Variants in AGAP1 observed in about 807,000 individuals in gnomAD.
AGAP1 encodes arf-GAP with GTPase, ANK repeat and PH domain-containing protein 1.
In AGAP1, 29 loss-of-function variants were observed where a neutral mutation model predicts 105.3. That is an observed-to-expected ratio of 0.28 (90% CI 0.21 to 0.38). The LOEUF (loss-of-function observed/expected upper bound fraction) is 0.38, where lower values mean the gene tolerates loss of function less well. Among genes scored for constraint, AGAP1 ranks in the 10% least tolerant of loss-of-function variants. The pLI, the probability that AGAP1 is intolerant of heterozygous loss-of-function variation, is 1.00. For synonymous variants in AGAP1, 509 were observed against 485.9 expected (o/e 1.05, Z -0.63); for missense variants, 998 against 1,165.1 (o/e 0.86, Z 2.09).
At chr2:235,629,863 C>CA (rs10691632) in intron 1 of AGAP1, among the ~76,000 whole-genome samples, 10,415 of 95,542 alleles carry the variant, frequency 0.11, 1,536 homozygotes, top group African/African-American at 0.35. Flanking sequence ...GACCCTGTCT[C>CA]AAAAAAAAAA....
At chr2:236,018,638 G>A (rs1037214524) in intron 13 of AGAP1, among the ~76,000 whole-genome samples, 8 of 152,194 alleles carry the variant, frequency 5.3e-5, no homozygotes, top group African/African-American at 1.7e-4. Flanking sequence ...AAACAAGGGG[G>A]CATTTCTTGG....
intron 16 of AGAP1, among the ~76,000 whole-genome samples, chr2:236,106,116 T>A (rs1479963915): frequency 1.3e-5 from 2 of 152,236 alleles, no homozygotes; most frequent in African/African-American, 4.8e-5. Flanking sequence ...TGCCCTTGGC[T>A]GGCTGGCTGG....
intron 1 of AGAP1, among the ~76,000 whole-genome samples, chr2:235,521,592 C>G (rs1363384755): frequency 2.0e-5 from 3 of 152,076 alleles, no homozygotes; most frequent in Non-Finnish European, 4.4e-5. Context: ...TTTCGTTTGC[C>G]TTTTTAACTT....
Position 235,968,864 on chromosome 2 carries a change from G to C in AGAP1, c.1645+241G>C, listed in dbSNP as rs113095224. ...ACTCTTGGCCGCCGTCGCTGGTAGC[G>C]GGTAGGAGTGCTGGTCTCCCAGCCA... On this transcript the variant is annotated intron_variant, in intron 13 of 17. Transcript: ENST00000304032. Among the ~76,000 whole-genome samples the C allele has an allele frequency of 1.1e-3, 161 of 152,246 alleles. 2 individuals carry two copies. The highest frequency in any genetic ancestry group is 3.8e-3 in the African/African-American group (157 of 41,558).
rs866711616 is a variant in AGAP1, at chr2:235,730,478, A to T, written c.311-10485A>T. On this transcript the variant is annotated intron_variant, in intron 3 of 17. Transcript: ENST00000304032. ...TGCAATGCTCTTTTGTTTACCTTTTAAAAAAAAAAAAAAAAAAAAACGAGA... is the reference window on the plus strand; with the variant it reads ...TGCAATGCTCTTTTGTTTACCTTTTTAAAAAAAAAAAAAAAAAAAACGAGA... 0.027 allele frequency among the ~76,000 whole-genome samples: 321 copies of T among 11,862 alleles called. 3 individuals carry two copies. The East Asian group carries it at 0.32, about 12-fold the overall frequency. 7.8% of individuals were successfully genotyped at this position (11,862 alleles called of 152,430 possible). A position where few individuals can be genotyped will look rare whatever the true frequency, so the allele number is the denominator to read the frequency against.
chr2:235,654,374 T>C (rs1264398139), intron 1 of AGAP1, among the ~76,000 whole-genome samples: 1 of 152,236 alleles, frequency 6.6e-6, no homozygotes, highest in Non-Finnish European at 1.5e-5. Context: ...CAGCTGGGGA[T>C]GCTTAACTGT....
chr2:235,998,947 A>G lies in AGAP1; in HGVS notation c.1645+30324A>G, dbSNP rs1280792171. On this transcript the variant is annotated intron_variant, in intron 13 of 17. Transcript: ENST00000304032. ...TGATGATCAATATGGTATGGTGGTGATGATGGTGAGAGGTTATAGGGCTGG... is the reference window on the plus strand; with the variant it reads ...TGATGATCAATATGGTATGGTGGTGGTGATGGTGAGAGGTTATAGGGCTGG... 2.0e-5 allele frequency among the ~76,000 whole-genome samples: 3 copies of G among 150,424 alleles called. No individual in the cohort carries two copies. The East Asian group carries it at 6.0e-4, about 30-fold the overall frequency.
At chr2:235,672,457 T>C (rs1009043721) in intron 1 of AGAP1, among the ~76,000 whole-genome samples, 1 of 152,246 alleles carries the variant, frequency 6.6e-6, no homozygotes, top group South Asian at 2.1e-4. Context: ...ACATCTAGTT[T>C]TAACCTCCCT....
chr2:235,933,467 G>C (rs560914927), intron 12 of AGAP1, among the ~76,000 whole-genome samples: 1 of 152,160 alleles, frequency 6.6e-6, no homozygotes, highest in African/African-American at 2.4e-5. Flanking sequence ...AAAGACAGCA[G>C]AATGGTGCAC....
At chr2:235,638,515 G>A (rs1947086176) in intron 1 of AGAP1, among the ~76,000 whole-genome samples, 1 of 152,194 alleles carries the variant, frequency 6.6e-6, no homozygotes, top group Non-Finnish European at 1.5e-5. Context: ...ACTTTATTAA[G>A]TTAAAAACAA....
chr2:235,938,584 T>C (rs1483376026), intron 12 of AGAP1, among the ~76,000 whole-genome samples: 5 of 152,170 alleles, frequency 3.3e-5, no homozygotes, highest in African/African-American at 1.2e-4. Context: ...GTACAGATAA[T>C]GGAACAGGAG....
chr2:235,605,165 A>G (rs1159702889), intron 1 of AGAP1, among the ~76,000 whole-genome samples: 1 of 152,246 alleles, frequency 6.6e-6, no homozygotes, highest in Non-Finnish European at 1.5e-5. Context: ...GGCATGAGCC[A>G]CTGTGCCCAG....
chr2:235,899,294 C>G (rs2050950561), intron 10 of AGAP1, among the ~76,000 whole-genome samples: 1 of 152,190 alleles, frequency 6.6e-6, no homozygotes, highest in Admixed American at 6.5e-5. Context: ...AGGCGGATCA[C>G]TTGAGATCAG....
intron 16 of AGAP1, among the ~76,000 whole-genome samples, chr2:236,085,733 G>T (rs559916162): frequency 6.6e-6 from 1 of 152,258 alleles, no homozygotes; most frequent in Non-Finnish European, 1.5e-5. Context: ...CAGGGACCAT[G>T]TGGTGGCCCC....
chr2:235,523,111 C>T (rs558170360), intron 1 of AGAP1, among the ~76,000 whole-genome samples: 4 of 151,700 alleles, frequency 2.6e-5, no homozygotes, highest in African/African-American at 4.9e-5. Flanking sequence ...GCTGCCTTCT[C>T]GCTGTGGCCT....
At chr2:235,890,569 C>T (rs958498494) in intron 10 of AGAP1, among the ~76,000 whole-genome samples, 1 of 152,172 alleles carries the variant, frequency 6.6e-6, no homozygotes, top group African/African-American at 2.4e-5. Flanking sequence ...TATGTTCAGC[C>T]ACCAGTTGAC....
At chr2:235,933,025 C>A (rs1428164963) in intron 12 of AGAP1, among the ~76,000 whole-genome samples, 1 of 152,162 alleles carries the variant, frequency 6.6e-6, no homozygotes, top group African/African-American at 2.4e-5. Flanking sequence ...AATCTTGAAC[C>A]CTGAACATAG....
chr2:235,656,471 T>G (rs1404676736), intron 1 of AGAP1, among the ~76,000 whole-genome samples: 1 of 152,164 alleles, frequency 6.6e-6, no homozygotes, highest in Non-Finnish European at 1.5e-5. Flanking sequence ...CCCTGACTCA[T>G]TTCAATCACC....
chr2:235,666,345 T>A (rs1195526818), intron 1 of AGAP1, among the ~76,000 whole-genome samples: 1 of 152,120 alleles, frequency 6.6e-6, no homozygotes, highest in African/African-American at 2.4e-5. Context: ...TTTTTTTTCC[T>A]CTTCAAAAAA....
Sources: allele counts gnomAD v4.1 joint callset (sites outside exome capture counted in the v4.1 genomes callset), GRCh38; gene constraint gnomAD v4.1.1; transcripts MANE v1.5; gene names NCBI Gene and HGNC (gene_info 2026-07-23, HGNC 2026-07-21).